The following MCM10 variants were observed in gnomAD, a reference collection of about 807,000 sequenced individuals.
The protein encoded by MCM10 is protein MCM10 homolog.
In MCM10, 91 loss-of-function variants were observed where a neutral mutation model predicts 109.9. That is an observed-to-expected ratio of 0.83 (90% CI 0.70 to 0.99). The LOEUF is 0.99. Ranked by LOEUF, MCM10 falls within the 50% of genes least tolerant of loss-of-function variation. MCM10 has a pLI of 0.00. For missense variants in MCM10, 1,077 were observed against 1,061.2 expected, an observed-to-expected ratio of 1.01 and a Z score of -0.21; for synonymous variants, 380 against 387.2, an observed-to-expected ratio of 0.98 and a Z score of 0.22.
chr10:13,210,529 TTA>T lies in MCM10; in HGVS notation c.*1221_*1222del, dbSNP rs1390986565. The T allele has an allele frequency of 6.6e-6, 1 of 152,170 alleles. No homozygotes were observed. The highest frequency in any genetic ancestry group is 1.9e-4 in the East Asian group (1 of 5,202). 9.4% of individuals were successfully genotyped at this position (152,170 alleles called of 1,614,324 possible). A position where few individuals can be genotyped will look rare whatever the true frequency, so the allele number is the denominator to read the frequency against. On this transcript the variant is annotated 3_prime_UTR_variant, in exon 20 of 20. Coordinates refer to ENST00000378714, the MANE Select transcript of MCM10 (RefSeq NM_018518.5). Reference sequence around the variant, plus strand: ...AATTTAGGTTTCCCCTAAGATGTTATTATGTTAGGGACATAACACTTTTGGGA... The same window carrying T: ...AATTTAGGTTTCCCCTAAGATGTTATTGTTAGGGACATAACACTTTTGGGA...
intron 18 of MCM10, 36 bp downstream of exon 18, chr10:13,204,400 G>T: frequency 6.2e-7 from 1 of 1,608,614 alleles, no homozygotes. Flanking sequence ...GTCCCACGTG[G>T]GGATTTTCAT....
chr10:13,194,967 C>T, intron 13 of MCM10, 74 bp from the exon 14 acceptor site: 1 of 1,391,854 alleles, frequency 7.2e-7, no homozygotes, highest in East Asian at 2.3e-5. Flanking sequence ...TGCCGCCTCC[C>T]AGTCCACTTT....
chr10:13,176,782 A>T (rs2131563839), intron 6 of MCM10, among the ~76,000 whole-genome samples: 1 of 152,230 alleles, frequency 6.6e-6, no homozygotes, highest in Non-Finnish European at 1.5e-5. Context: ...AGTCCTAGCT[A>T]CCTGGGGGTG....
rs182200346 is a variant in MCM10 at position 13,194,184 on chromosome 10, C to T, written c.1746-857C>T. Among the ~76,000 whole-genome samples, 8 of 152,136 alleles carry T rather than the reference C, an allele frequency of 5.3e-5. No homozygotes were observed. In the East Asian group the frequency reaches 1.4e-3, roughly 26 times the overall value. On this transcript the variant is annotated intron_variant, in intron 13 of 19. Transcript: ENST00000378714. ...TTTGAGACCAACCTGAGCAAAATGG[C>T]GAAATCCTGTCTCTACAAACAGTAC...
chr10:13,177,508 C>CTTTTTTTTTTTTTTTTT (rs60316855), intron 6 of MCM10, among the ~76,000 whole-genome samples: 1 of 105,266 alleles, frequency 9.5e-6, no homozygotes, highest in Non-Finnish European at 1.8e-5. Flanking sequence ...GATTTTGGAG[C>CTTTTTTTTTTTTTTTTT]TTTTTTTTTT....
At chr10:13,203,963 T>C (rs1243415320) in intron 17 of MCM10, among the ~76,000 whole-genome samples, 2 of 152,154 alleles carry the variant, frequency 1.3e-5, no homozygotes, top group Non-Finnish European at 2.9e-5. Context: ...TGTTACACAA[T>C]AACAGAAAGT....
chr10:13,180,505 G>A lies in MCM10; in HGVS notation c.828G>A (p.Leu276=), dbSNP rs532065535. 2.5e-6 allele frequency: 4 copies of A among 1,613,922 alleles called. No homozygotes were observed. The South Asian group carries it at 4.4e-5, about 18-fold the overall frequency. Residue 276 remains leucine, a synonymous_variant, in exon 7 of 20, where the codon CTG becomes CTA. Coordinates refer to ENST00000378714, the MANE Select transcript of MCM10 (RefSeq NM_018518.5). ...TGACCGGCCGAAAACTGATCAGACT[G>A]TCTCAGATCAAGGAAAAGATGGCCA... is the stretch of plus-strand genomic sequence containing the variant. The part of the protein sequence containing the change: ...KKMTGRKLIR[L]SQIKEKMARE...
chr10:13,210,320 A>G lies in MCM10; in HGVS notation c.*1010A>G, dbSNP rs1220836563. 1.3e-5 allele frequency: 2 copies of G among 151,890 alleles called. No individual in the cohort carries two copies. Among genetic ancestry groups the G allele is most frequent in the African/African-American group, 4.8e-5 (2 of 41,318 alleles). The allele number at this position is 151,890 out of a possible 1,614,324, so 9.4% of individuals were successfully genotyped here. A position where few individuals can be genotyped will look rare whatever the true frequency, so the allele number is the denominator to read the frequency against. On this transcript the variant is annotated 3_prime_UTR_variant, in exon 20 of 20. Coordinates refer to ENST00000378714, the MANE Select transcript of MCM10 (RefSeq NM_018518.5). ...TCCACCCACCTCTGTTTCCAAAAAAAAAAAAAAAATGAAAGGTCAACCCCT... is the reference window on the plus strand; with the variant it reads ...TCCACCCACCTCTGTTTCCAAAAAAGAAAAAAAAATGAAAGGTCAACCCCT...
chr10:13,203,504 G>A (rs1205323967), intron 17 of MCM10, among the ~76,000 whole-genome samples: 1 of 152,130 alleles, frequency 6.6e-6, no homozygotes, highest in Non-Finnish European at 1.5e-5. Context: ...GTTTCGGGGA[G>A]TAGGGTGTGC....
At chr10:13,171,696 G>A (rs924199418) in intron 3 of MCM10, among the ~76,000 whole-genome samples, 3 of 152,010 alleles carry the variant, frequency 2.0e-5, no homozygotes, top group Middle Eastern at 3.2e-3. Context: ...TCAATGGTTA[G>A]CTGTTTCTTC....
intron 5 of MCM10, among the ~76,000 whole-genome samples, chr10:13,173,191 C>A (rs1305043898): frequency 6.6e-6 from 1 of 152,054 alleles, no homozygotes; most frequent in Non-Finnish European, 1.5e-5. Flanking sequence ...CAGAGTAAGA[C>A]CCTGTCTGAG....
intron 13 of MCM10, among the ~76,000 whole-genome samples, chr10:13,193,830 T>G (rs1834380954): frequency 6.6e-6 from 1 of 152,188 alleles, no homozygotes; most frequent in Non-Finnish European, 1.5e-5. Flanking sequence ...ATGAAAATTT[T>G]CAGAATTTTG....
chr10:13,207,718 A>G (rs1039970621), intron 18 of MCM10, among the ~76,000 whole-genome samples: 22 of 152,184 alleles, frequency 1.4e-4, no homozygotes, highest in Non-Finnish European at 3.1e-4. Context: ...CATGTAAGAC[A>G]TGCCTTTGCT....
chr10:13,209,285 C>T lies in MCM10; in HGVS notation c.2600C>T (p.Ala867Val), dbSNP rs1229452828. 6 of 1,613,778 alleles carry T rather than the reference C, an allele frequency of 3.7e-6. No homozygotes were observed. The highest frequency in any genetic ancestry group is 5.1e-6 in the Non-Finnish European group (6 of 1,179,888). ...ETLLPRGEEH[A>V]KFLNSLK is the part of the protein sequence containing the mutation. Reference sequence around the variant, plus strand: ...CTGTTACCAAGAGGAGAAGAACATGCTAAATTTCTGAACAGCCTTAAATAA... The same window carrying T: ...CTGTTACCAAGAGGAGAAGAACATGTTAAATTTCTGAACAGCCTTAAATAA... The change falls in exon 20 of 20, where the codon GCT becomes GTT. Residue 867 changes from alanine (A) to valine (V), a missense_variant. Ala to Val is a moderately conservative substitution (Grantham distance 64, BLOSUM62 0). Coordinates refer to ENST00000378714, the MANE Select transcript of MCM10 (RefSeq NM_018518.5).
At chr10:13,199,111 A>G (rs1834462795) in intron 16 of MCM10, among the ~76,000 whole-genome samples, 1 of 152,144 alleles carries the variant, frequency 6.6e-6, no homozygotes, top group African/African-American at 2.4e-5. Context: ...GGCCAGGCTG[A>G]TCTCTAACTC....
rs1390533966 is a variant in MCM10, at chr10:13,195,281, C to G, written c.1974+12C>G. The G allele has an allele frequency of 6.4e-7, 1 of 1,572,602 alleles. No individual in the cohort carries two copies. Among genetic ancestry groups the G allele is most frequent in the East Asian group, 2.3e-5 (1 of 43,556 alleles). ...CAGAAGCCAAAAAGGTAACTGGCAT[C>G]TCTTCTCTTTAGCACTTGAGTTTGC... On this transcript the variant is annotated intron_variant, in intron 14 of 19. Coordinates refer to ENST00000378714, the MANE Select transcript of MCM10 (RefSeq NM_018518.5).
chr10:13,168,387 T>G (rs1040438253), intron 2 of MCM10, among the ~76,000 whole-genome samples: 5 of 152,070 alleles, frequency 3.3e-5, no homozygotes, highest in African/African-American at 1.2e-4. Context: ...GGTAAGGGAG[T>G]GTAGAGTGGT....
intron 8 of MCM10, among the ~76,000 whole-genome samples, chr10:13,184,215 A>T (rs1834246136): frequency 1.3e-5 from 2 of 151,680 alleles, no homozygotes; most frequent in Admixed American, 1.3e-4. Flanking sequence ...TTTGTCTCGA[A>T]CCCCTGGGCT....
chr10:13,177,770 G>A (rs531097890), intron 6 of MCM10, among the ~76,000 whole-genome samples: 1 of 151,530 alleles, frequency 6.6e-6, no homozygotes, highest in South Asian at 2.1e-4. Flanking sequence ...TTGGTAGGCT[G>A]AGTGGGGAAG....
Sources: gnomAD v4.1 joint callset for allele counts (sites outside exome capture counted in the v4.1 genomes callset) on GRCh38, gnomAD v4.1.1 for gene constraint, MANE v1.5 for transcripts, NCBI Gene and HGNC (gene_info 2026-07-23, HGNC 2026-07-21) for gene names.